Variants in GLIS3 observed in about 807,000 individuals in gnomAD.
GLIS3 encodes the protein GLIS family zinc finger 3.
Under a neutral mutation model 78.6 loss-of-function variants are expected in GLIS3, and 53 were observed. The observed-to-expected ratio is 0.67, with a 90% CI of 0.54 to 0.85. The LOEUF is 0.85. Ranked by LOEUF, GLIS3 falls within the 40% of genes least tolerant of loss-of-function variation. GLIS3 has a pLI of 0.00. For missense variants in GLIS3, 1,703 were observed against 1,231.1 expected, an observed-to-expected ratio of 1.38 and a Z score of -5.74; for synonymous variants, 684 against 509.9, an observed-to-expected ratio of 1.34 and a Z score of -4.60.
rs374356532 is a variant in GLIS3, at chr9:3,859,998, A to G, written c.2298-3814T>C. Among the ~76,000 whole-genome samples, 13 of 152,294 alleles carry G rather than the reference A, an allele frequency of 8.5e-5. No homozygotes were observed. In the South Asian group the frequency reaches 2.3e-3, roughly 27 times the overall value. The stretch of plus-strand genomic sequence containing the variant: ...CTCATAAAAAATCCTCTGGGGGGCC[A>G]AGCGTGGTGGCTCACGCCTGTAATC... On this transcript the variant is annotated intron_variant, in intron 8 of 10. Transcript: ENST00000381971.
At chr9:4,346,511 A>G (rs374116675) in intron 2 of GLIS3, among the ~76,000 whole-genome samples, 24 of 152,358 alleles carry the variant, frequency 1.6e-4, no homozygotes, top group African/African-American at 5.5e-4. Context: ...TCCATTATTC[A>G]TAAGTGTGGC....
At chr9:4,368,683 G>A in the GLIS3 span, among the ~76,000 whole-genome samples, 1 of 152,158 alleles carries the variant, frequency 6.6e-6, no homozygotes, top group African/African-American at 2.4e-5. Context: ...GCCAAGCACT[G>A]GCCAAAACCT....
At chr9:4,481,256 G>A in the GLIS3 span, among the ~76,000 whole-genome samples, 1 of 152,304 alleles carries the variant, frequency 6.6e-6, no homozygotes, top group East Asian at 1.9e-4. Flanking sequence ...GGCCGAGGCA[G>A]GCGGATCACC....
At chr9:4,004,961 G>A (rs773586131) in intron 4 of GLIS3, among the ~76,000 whole-genome samples, 18 of 152,162 alleles carry the variant, frequency 1.2e-4, no homozygotes, top group African/African-American at 2.2e-4. Context: ...GAAGCATAGC[G>A]AAGCCAAAGT....
At chr9:4,205,439 C>T (rs368465708) in intron 2 of GLIS3, among the ~76,000 whole-genome samples, 3 of 152,124 alleles carry the variant, frequency 2.0e-5, no homozygotes, top group Non-Finnish European at 2.9e-5. Context: ...CAATGGGATA[C>T]AAGGAGATAT....
At chr9:4,347,924 G>T (rs933532488) in intron 1 of GLIS3, among the ~76,000 whole-genome samples, 1 of 152,046 alleles carries the variant, frequency 6.6e-6, no homozygotes, top group Non-Finnish European at 1.5e-5. Context: ...CACACATTTA[G>T]GATATGTGTA....
intron 4 of GLIS3, among the ~76,000 whole-genome samples, chr9:3,990,458 A>T (rs928733308): frequency 6.6e-6 from 1 of 152,188 alleles, no homozygotes; most frequent in East Asian, 1.9e-4. Flanking sequence ...AACCAGTAGC[A>T]TTGATCAGTG....
chr9:3,967,295 G>C (rs929846706), intron 4 of GLIS3, among the ~76,000 whole-genome samples: 1 of 152,098 alleles, frequency 6.6e-6, no homozygotes, highest in African/African-American at 2.4e-5. Flanking sequence ...CCTAAGATCA[G>C]GAGTTCAAGA....
the GLIS3 span, among the ~76,000 whole-genome samples, chr9:4,433,081 G>A: frequency 6.6e-6 from 1 of 152,254 alleles, no homozygotes; most frequent in East Asian, 1.9e-4. Flanking sequence ...CAACCAACAT[G>A]CCCAGAAAAT....
chr9:4,398,106 T>G, the GLIS3 span, among the ~76,000 whole-genome samples: 5 of 152,080 alleles, frequency 3.3e-5, no homozygotes, highest in African/African-American at 1.2e-4. Context: ...CAATGCATGC[T>G]TTGGTGAGTC....
intron 3 of GLIS3, chr9:4,123,665 A>G (rs1330308329): frequency 2.0e-5 from 8 of 391,442 alleles, no homozygotes; most frequent in Admixed American, 8.9e-5. Context: ...GAAAAAAGTA[A>G]TTAAAAACTA....
the GLIS3 span, among the ~76,000 whole-genome samples, chr9:4,480,361 C>T: frequency 6.6e-6 from 1 of 152,038 alleles, no homozygotes; most frequent in African/African-American, 2.4e-5. Context: ...TGTGCCATCA[C>T]ACCTGTCTAA....
At chr9:4,398,069 G>C in the GLIS3 span, among the ~76,000 whole-genome samples, 3 of 151,966 alleles carry the variant, frequency 2.0e-5, no homozygotes, top group Non-Finnish European at 2.9e-5. Flanking sequence ...TCTTAAGAAA[G>C]CAGTTTAAGA....
intron 8 of GLIS3, among the ~76,000 whole-genome samples, chr9:3,860,768 T>C (rs1820161478): frequency 6.6e-6 from 1 of 152,206 alleles, no homozygotes; most frequent in Non-Finnish European, 1.5e-5. Context: ...CAACTTTCAC[T>C]GAAGGTTCTA....
the GLIS3 span, among the ~76,000 whole-genome samples, chr9:4,485,920 A>G: frequency 6.6e-6 from 1 of 151,988 alleles, no homozygotes; most frequent in African/African-American, 2.4e-5. Flanking sequence ...ATGGCGTTTC[A>G]CTATGTTGGC....
At chr9:4,184,575 G>T (rs1020152098) in intron 2 of GLIS3, among the ~76,000 whole-genome samples, 1 of 152,180 alleles carries the variant, frequency 6.6e-6, no homozygotes, top group Non-Finnish European at 1.5e-5. Context: ...CAATAAGCAT[G>T]ATCAATGTGT....
intron 4 of GLIS3, among the ~76,000 whole-genome samples, chr9:4,054,693 A>G (rs1826002000): frequency 6.6e-6 from 1 of 152,190 alleles, no homozygotes; most frequent in South Asian, 2.1e-4. Flanking sequence ...AAAAAGTAAT[A>G]GCACATTGCT....
intron 2 of GLIS3, among the ~76,000 whole-genome samples, chr9:4,197,167 G>C (rs1173603260): frequency 6.6e-6 from 1 of 152,088 alleles, no homozygotes; most frequent in African/African-American, 2.4e-5. Context: ...TCCACACACA[G>C]GCAGTAGGCA....
the GLIS3 span, among the ~76,000 whole-genome samples, chr9:4,448,350 G>A: frequency 2.6e-5 from 4 of 152,152 alleles, no homozygotes; most frequent in African/African-American, 7.2e-5. Context: ...AGCCACTCAG[G>A]CAGCCAGAAC....
Sources: allele counts gnomAD v4.1 joint callset (sites outside exome capture counted in the v4.1 genomes callset), GRCh38; gene constraint gnomAD v4.1.1; transcripts MANE v1.5; gene names NCBI Gene and HGNC (gene_info 2026-07-23, HGNC 2026-07-21).